Variants in QARS1 observed in about 807,000 individuals in gnomAD.
QARS1 encodes the protein glutaminyl-tRNA synthetase 1.
Under a neutral mutation model 106.9 loss-of-function variants are expected in QARS1, and 79 were observed. The ratio of observed to expected loss-of-function variants is 0.74; its 90% CI spans 0.62 to 0.89. The LOEUF is 0.89. QARS1 is among the 40% of genes least tolerant of loss of function. QARS1 has a pLI of 0.00. For synonymous variants in QARS1, 395 were observed against 367.7 expected (o/e 1.07, Z -0.85); for missense variants, 966 against 997.2 (o/e 0.97, Z 0.42).
rs1467258703 is a variant in QARS1 at position 49,098,468 on chromosome 3, AACC to A, written c.1966_1968del (p.Gly656del). ...CAGGTCACCTCCAGACTCTCTACAC[AACC>A]ACTGGGGCCCTGGAAGTGGGGGGAG... On this transcript the variant is annotated inframe_deletion, in exon 21 of 24. Transcript: ENST00000306125. 1 of 1,614,086 alleles carries A rather than the reference AACC, an allele frequency of 6.2e-7. No individual in the cohort carries two copies. Among genetic ancestry groups the A allele is most frequent in the South Asian group, 1.1e-5 (1 of 91,074 alleles).
At chr3:49,099,738 C>A in intron 15 of QARS1, 23 bp downstream of exon 15, 1 of 1,613,670 alleles carries the variant, frequency 6.2e-7, no homozygotes, top group Admixed American at 1.7e-5. Flanking sequence ...GGCCCTACCA[C>A]CCCATGGACC....
At chr3:49,102,672 G>A (rs543846643) in intron 5 of QARS1, 200 bp from the exon 6 acceptor site, 2 of 638,602 alleles carry the variant, frequency 3.1e-6, no homozygotes, top group East Asian at 2.9e-5. Flanking sequence ...CTGGAGTCTT[G>A]CTCATGTTGC....
rs770587253 is a variant in QARS1, at chr3:49,096,798, CAAAAAAAAAAAAAAAAAAAAA to C, written c.2278-740_2278-720del. On this transcript the variant is annotated intron_variant, in intron 23 of 23. Coordinates refer to ENST00000306125, the MANE Select transcript of QARS1 (RefSeq NM_005051.3). ...CTGGGCGACATGTGAGACTCCGTCT[CAAAAAAAAAAAAAAAAAAAAA>C]AAAAAAAAAAAAAAAATTTGCCGGG... is the stretch of plus-strand genomic sequence containing the variant. Among the ~76,000 whole-genome samples, 38 of 14,154 alleles carry C rather than the reference CAAAAAAAAAAAAAAAAAAAAA, an allele frequency of 2.7e-3. 1 individual carries two copies. The highest frequency in any genetic ancestry group is 7.0e-3 in the South Asian group (1 of 142). 9.3% of individuals were successfully genotyped at this position (14,154 alleles called of 152,430 possible).
rs1060504546 is a variant in QARS1, at chr3:49,102,245, T to C, written c.591A>G (p.Glu197=). The change falls in exon 7 of 24, where the codon GAA becomes GAG. Residue 197 remains glutamate (E), a synonymous_variant. Transcript: ENST00000306125. ...CCTTTGCCGTCCTCCGGTCTGTTTC[T>C]TCTAGCCGAGCTTTTGCCACCTGAA... ...KKFKVAKARL[E]ETDRRTAKDV... is the part of the protein sequence containing the mutation. 7 of 1,614,236 alleles carry C rather than the reference T, an allele frequency of 4.3e-6. No individual in the cohort carries two copies. Among genetic ancestry groups the C allele is most frequent in the Middle Eastern group, 1.6e-4 (1 of 6,062 alleles).
intron 17 of QARS1, 39 bp from the exon 18 acceptor site, chr3:49,099,292 C>A (rs1356489930): frequency 1.5e-5 from 24 of 1,614,160 alleles, no homozygotes; most frequent in Non-Finnish European, 1.9e-5. Flanking sequence ...GCTACAATCA[C>A]AAACTGCCAC....
chr3:49,099,070 TAC>T (rs750126991), intron 18 of QARS1, 38 bp downstream of exon 18: 14 of 1,613,550 alleles, frequency 8.7e-6, no homozygotes, highest in African/African-American at 1.3e-5. Flanking sequence ...TACCCCCAGC[TAC>T]ACACACACAT....
chr3:49,104,538 C>A, intron 1 of QARS1, 67 bp from the exon 2 acceptor site: 2 of 1,604,130 alleles, frequency 1.2e-6, no homozygotes, highest in South Asian at 1.1e-5. Context: ...ACAAACGGGG[C>A]AGGTCGGGAT....
At chr3:49,101,965 A>G (rs1357172388) in intron 7 of QARS1, 66 bp from the exon 8 acceptor site, 23 of 1,496,158 alleles carry the variant, frequency 1.5e-5, no homozygotes, top group Non-Finnish European at 2.1e-5. Flanking sequence ...CAGCCAGAAC[A>G]GAACTGAGTA....
In QARS1 at chr3:49,098,234, A is replaced by G; in HGVS notation, c.2109T>C (p.Asp703=). The change falls in exon 22 of 24, where the codon GAT becomes GAC. Residue 703 remains aspartate (D), a synonymous_variant. Coordinates refer to ENST00000306125, the MANE Select transcript of QARS1 (RefSeq NM_005051.3). The part of the protein sequence containing the change: ...ERLFQHKNPE[D]PTEVPGGFLS... ...AAAATCCACCAGGCACCTCAGTAGG[A>G]TCTTCAGGGTTCTTGTGCTGGAATC... is the stretch of plus-strand genomic sequence containing the variant. 1 of 1,614,168 alleles carries G rather than the reference A, an allele frequency of 6.2e-7. No homozygotes were observed. Among genetic ancestry groups the G allele is most frequent in the Non-Finnish European group, 8.5e-7 (1 of 1,180,018 alleles).
intron 19 of QARS1, 59 bp downstream of exon 19, chr3:49,098,826 T>G (rs1421208076): frequency 4.6e-6 from 7 of 1,526,108 alleles, no homozygotes; most frequent in Non-Finnish European, 5.4e-6. Flanking sequence ...GATGAGGAGA[T>G]GAAAGGTTCC....
At chr3:49,104,261 A>G (rs2042509025) in intron 2 of QARS1, 63 bp downstream of exon 2, 15 of 1,596,396 alleles carry the variant, frequency 9.4e-6, no homozygotes, top group Non-Finnish European at 1.3e-5. Flanking sequence ...CAAAAAGGGA[A>G]GACAGGGGTC....
Position 49,096,032 on chromosome 3 carries a change from C to T in QARS1, c.2325G>A (p.Val775=), listed in dbSNP as rs1343527647. The part of the protein sequence containing the change: ...TVTLKEDPGK[V] ...AGGTAGGTTCAGTGCTTCCAGCTCA[C>T]ACCTTTCCTGGGTCTTCCTTCAGTG... is the stretch of plus-strand genomic sequence containing the variant. The change falls in exon 24 of 24, where the codon GTG becomes GTA. Residue 775 remains valine, a synonymous_variant. Coordinates refer to ENST00000306125, the MANE Select transcript of QARS1 (RefSeq NM_005051.3). 3.1e-6 allele frequency: 5 copies of T among 1,613,770 alleles called. No homozygotes were observed. The African/African-American group carries it at 4.0e-5, about 13-fold the overall frequency.
Position 49,099,786 on chromosome 3 carries a change from G to GT in QARS1, c.1362dup (p.Leu455ThrfsTer42). 6.2e-7 allele frequency: 1 copy of GT among 1,613,906 alleles called. No individual in the cohort carries two copies. Among genetic ancestry groups the GT allele is most frequent in the South Asian group, 1.1e-5 (1 of 91,084 alleles). ...CGGGCCTGGAATTCCTTGGTGCAGA[G>GT]TGAGTGAGTGATGTGCTCGATGGAG... On this transcript the variant is annotated frameshift_variant, in exon 15 of 24. Coordinates refer to ENST00000306125, the MANE Select transcript of QARS1 (RefSeq NM_005051.3). LOFTEE classifies it high-confidence loss of function.
intron 23 of QARS1, 28 bp from the exon 24 acceptor site, chr3:49,096,107 A>G (rs1575396817): frequency 6.2e-7 from 1 of 1,612,544 alleles, no homozygotes; most frequent in Non-Finnish European, 8.5e-7. Context: ...AAGGATGACC[A>G]CCAACCCAGA....
intron 23 of QARS1, 64 bp downstream of exon 23, chr3:49,097,928 T>C: frequency 6.2e-7 from 1 of 1,602,762 alleles, no homozygotes; most frequent in South Asian, 1.1e-5. Flanking sequence ...GCAGAGCACT[T>C]GGCACAATGA....
In QARS1 at chr3:49,102,503, G is replaced by A. The variant is rs774363543; in HGVS notation, c.517-31C>T. 8.1e-6 allele frequency: 13 copies of A among 1,612,984 alleles called. No individual in the cohort carries two copies. In the South Asian group the frequency reaches 1.3e-4, roughly 16 times the overall value. On this transcript the variant is annotated intron_variant, in intron 5 of 23. Coordinates refer to ENST00000306125, the MANE Select transcript of QARS1 (RefSeq NM_005051.3). ...CAGAGACCAGAATCAGGCAGAGGCAGGAGTATCCTCTTTCAAGGAGCCCCT... is the reference window on the plus strand; with the variant it reads ...CAGAGACCAGAATCAGGCAGAGGCAAGAGTATCCTCTTTCAAGGAGCCCCT...
rs1294643628 is a variant in QARS1, at chr3:49,099,835, G to C, written c.1314C>G (p.Tyr438Ter). The C allele has an allele frequency of 2.5e-6, 4 of 1,611,980 alleles. No homozygotes were observed. The highest frequency in any genetic ancestry group is 1.7e-5 in the Admixed American group (1 of 59,840). The change falls in exon 15 of 24, where the codon TAC becomes TAG. Residue 438 changes from tyrosine to a stop codon, truncating the protein, a stop_gained. Coordinates refer to ENST00000306125, the MANE Select transcript of QARS1 (RefSeq NM_005051.3). LOFTEE classifies it high-confidence loss of function. ...TGDKWCIYPTYDYTHCLCDSI... is the reference protein window; with the variant it reads ...TGDKWCIYPT ...AGTCACAGAGGCAGTGTGTGTAGTC[G>C]TAGGTGGGATAGATGCACCTGTGGG...
intron 1 of QARS1, 68 bp from the exon 2 acceptor site, chr3:49,104,539 AG>A (rs1188138325): frequency 1.9e-6 from 3 of 1,603,950 alleles, no homozygotes; most frequent in African/African-American, 2.7e-5. Context: ...CAAACGGGGC[AG>A]GTCGGGATCT....
At chr3:49,101,463 AAG>A in intron 9 of QARS1, 22 bp from the exon 10 acceptor site, 1 of 1,598,364 alleles carries the variant, frequency 6.3e-7, no homozygotes, top group Non-Finnish European at 8.6e-7. Flanking sequence ...GGGATGGGAA[AAG>A]AGAAATAAAG....
Sources: gnomAD v4.1 joint callset for allele counts (sites outside exome capture counted in the v4.1 genomes callset) on GRCh38, gnomAD v4.1.1 for gene constraint, MANE v1.5 for transcripts, NCBI Gene and HGNC (gene_info 2026-07-23, HGNC 2026-07-21) for gene names.